ENPP7: variants seen among roughly 807,000 people sequenced by gnomAD.
The protein encoded by ENPP7 is ectonucleotide pyrophosphatase/phosphodiesterase family member 7.
In ENPP7, 39 loss-of-function variants were observed where a neutral mutation model predicts 33.6. That is an observed-to-expected ratio of 1.16 (90% CI 0.90 to 1.52). ENPP7 has a LOEUF of 1.52. ENPP7 is among the 40% of genes most tolerant of loss of function. ENPP7 has a pLI of 0.00. For missense variants in ENPP7, 594 were observed against 641.0 expected, an observed-to-expected ratio of 0.93 and a Z score of 0.79; for synonymous variants, 244 against 274.3, an observed-to-expected ratio of 0.89 and a Z score of 1.09.
Position 79,739,342 on chromosome 17 carries a change from G to A in ENPP7, c.*16+1280G>A, listed in dbSNP as rs1019756410. 2.6e-5 allele frequency: 4 copies of A among 152,426 alleles called. No individual in the cohort carries two copies. The highest frequency in any genetic ancestry group is 9.6e-5 in the African/African-American group (4 of 41,472). The allele number at this position is 152,426 out of a possible 1,614,324, so 9.4% of individuals were successfully genotyped here. A position where few individuals can be genotyped will look rare whatever the true frequency, so the allele number is the denominator to read the frequency against. On this transcript the variant is annotated intron_variant, in intron 5 of 5. Transcript: ENST00000328313. The surrounding 1 kb of genome is among the most constrained non-coding windows in gnomAD (Gnocchi z 4.4). The stretch of plus-strand genomic sequence containing the variant: ...CAAGCTGAGGTTACACAGGGTCTGA[G>A]GTTGATGATTAAATGAGTGGCTCCC...
At chr17:79,733,425 A>T in intron 1 of ENPP7, 83 bp from the exon 2 acceptor site, 2 of 1,443,004 alleles carry the variant, frequency 1.4e-6, no homozygotes, top group African/African-American at 1.4e-5. Context: ...GGCTGTTTTG[A>T]CTTCGCCTCT....
intron 3 of ENPP7, among the ~76,000 whole-genome samples, chr17:79,736,104 C>T (rs139234511): frequency 7.9e-4 from 121 of 152,306 alleles, no homozygotes; most frequent in Non-Finnish European, 1.4e-3. Flanking sequence ...AGAGTTTCAC[C>T]ATGTTGGCCA....
intron 1 of ENPP7, among the ~76,000 whole-genome samples, chr17:79,732,172 G>GTATATATATATAT (rs2094287973): frequency 1.8e-5 from 1 of 55,290 alleles, no homozygotes; most frequent in African/African-American, 5.0e-5. Context: ...ATATATATAT[G>GTATATATATATAT]AGGCCAAGGC....
intron 2 of ENPP7, among the ~76,000 whole-genome samples, chr17:79,733,939 C>T (rs527649162): frequency 6.6e-6 from 1 of 152,292 alleles, no homozygotes; most frequent in South Asian, 2.1e-4. Flanking sequence ...GCTCTGTCCC[C>T]CTAGTCGGAG....
chr17:79,736,331 G>A (rs940837883), intron 3 of ENPP7, among the ~76,000 whole-genome samples: 1 of 152,218 alleles, frequency 6.6e-6, no homozygotes, highest in Non-Finnish European at 1.5e-5. Context: ...GAGCCACTGC[G>A]TCTGGCCTCT....
Position 79,741,926 on chromosome 17 carries a change from A to G in ENPP7, c.*149A>G. ...CATGCCACTGTCCCCGGCAGCGCCA[A>G]CCCCTGCTTGGCTGTTATGGTGCTG... On this transcript the variant is annotated 3_prime_UTR_variant, in exon 6 of 6. Coordinates refer to ENST00000328313, the MANE Select transcript of ENPP7 (RefSeq NM_178543.5). 1 of 985,062 alleles carries G rather than the reference A, an allele frequency of 1.0e-6. No individual in the cohort carries two copies. The highest frequency in any genetic ancestry group is 4.7e-5 in the South Asian group (1 of 21,250). The allele number at this position is 985,062 out of a possible 1,614,324, so 61.0% of individuals were successfully genotyped here.
At chr17:79,731,457 C>A in intron 1 of ENPP7, 65 bp downstream of exon 1, 1 of 1,538,142 alleles carries the variant, frequency 6.5e-7, no homozygotes, top group East Asian at 2.3e-5. Flanking sequence ...GGCACAGAGC[C>A]GTGTCGTGCA....
At position 79,738,181 on chromosome 17, in the gene ENPP7, G is replaced by A. The variant is rs577501738; in HGVS notation, c.*16+119G>A. On this transcript the variant is annotated intron_variant, in intron 5 of 5. Coordinates refer to ENST00000328313, the MANE Select transcript of ENPP7 (RefSeq NM_178543.5). The surrounding 1 kb of genome is among the most constrained non-coding windows in gnomAD (Gnocchi z 6.2). Reference sequence around the variant, plus strand: ...AGAGCTGCCAGGCCCCGCCAAGCAGGTGACTCCCACTGACCTGGCTGCCCC... The same window carrying A: ...AGAGCTGCCAGGCCCCGCCAAGCAGATGACTCCCACTGACCTGGCTGCCCC... The A allele has an allele frequency of 1.4e-5, 15 of 1,069,142 alleles. No homozygotes were observed. In the African/African-American group the frequency reaches 2.3e-4, roughly 17 times the overall value. The allele number at this position is 1,069,142 out of a possible 1,614,324, so 66.2% of individuals were successfully genotyped here.
chr17:79,737,235 T>C lies in ENPP7; in HGVS notation c.1221T>C (p.Ala407=), dbSNP rs1555823801. 6.2e-7 allele frequency: 1 copy of C among 1,608,686 alleles called. No homozygotes were observed. ...IVPEANDGHL[A]TLLPMLHTES... ...CCGAGGCCAACGATGGGCACCTAGC[T>C]ACTCTGCTGCCCATGCTGCACACAG... The change falls in exon 4 of 6, where the codon GCT becomes GCC. Residue 407 remains alanine (A), a synonymous_variant. Transcript: ENST00000328313. The surrounding 1 kb of genome is among the most constrained non-coding windows in gnomAD (Gnocchi z 5.5).
rs782452623 is a variant in ENPP7 at position 79,737,820 on chromosome 17, C to T, written c.1247-96C>T. On this transcript the variant is annotated intron_variant, in intron 4 of 5. Transcript: ENST00000328313. The surrounding 1 kb of genome is among the most constrained non-coding windows in gnomAD (Gnocchi z 5.5). ...GGGGCGGTGAAAGAGGAAGGAGGGG[C>T]TCGTGGGGACCAACAGAGGACCCCG... 1.6e-5 allele frequency: 21 copies of T among 1,350,788 alleles called. No homozygotes were observed. Among genetic ancestry groups the T allele is most frequent in the East Asian group, 1.2e-4 (5 of 43,394 alleles). The allele number at this position is 1,350,788 out of a possible 1,614,324, so 83.7% of individuals were successfully genotyped here. A position where few individuals can be genotyped will look rare whatever the true frequency, so the allele number is the denominator to read the frequency against.
Position 79,735,771 on chromosome 17 carries a change from C to G in ENPP7, c.1026+102C>G. ...CCAGGGTCTTGCTCTGTTGCCCAGG[C>G]TGGAGTGCAATGGCAGGATCTCAGC... On this transcript the variant is annotated intron_variant, in intron 3 of 5. Transcript: ENST00000328313. This position sits in a 1 kb window ranked among gnomAD's most constrained non-coding sequence, Gnocchi z 5.5. The G allele has an allele frequency of 1.8e-6, 2 of 1,128,856 alleles. No individual in the cohort carries two copies. The highest frequency in any genetic ancestry group is 2.5e-6 in the Non-Finnish European group (2 of 803,316). The allele number at this position is 1,128,856 out of a possible 1,614,324, so 69.9% of individuals were successfully genotyped here. A position where few individuals can be genotyped will look rare whatever the true frequency, so the allele number is the denominator to read the frequency against.
Position 79,735,006 on chromosome 17 carries a change from T to A in ENPP7, c.400-37T>A. ...AGGCATGAGACAAGGGGCAGCCCAC[T>A]GAGGAGTCCTGTCTTTCACGCTGCC... On this transcript the variant is annotated intron_variant, in intron 2 of 5. Transcript: ENST00000328313. The surrounding 1 kb of genome is among the most constrained non-coding windows in gnomAD (Gnocchi z 5.5). 1 of 1,601,026 alleles carries A rather than the reference T, an allele frequency of 6.2e-7. No individual in the cohort carries two copies. The highest frequency in any genetic ancestry group is 8.5e-7 in the Non-Finnish European group (1 of 1,172,638).
Position 79,735,901 on chromosome 17 carries a change from GTGTTT to G in ENPP7, c.1026+248_1026+252del, listed in dbSNP as rs201150540. On this transcript the variant is annotated intron_variant, in intron 3 of 5. Coordinates refer to ENST00000328313, the MANE Select transcript of ENPP7 (RefSeq NM_178543.5). The surrounding 1 kb of genome is among the most constrained non-coding windows in gnomAD (Gnocchi z 5.5). ...CACCATGCCTGGCTAATTTTTGTGT[GTGTTT>G]TGTTTTGTTTTGTTTCATTTGAGAC... Among the ~76,000 whole-genome samples, 3,916 of 152,018 alleles carry G rather than the reference GTGTTT, an allele frequency of 0.026. 76 individuals are homozygous for G. The highest frequency in any genetic ancestry group is 0.042 in the Non-Finnish European group (2,821 of 67,946).
In ENPP7 at chr17:79,737,911, C is replaced by A; in HGVS notation, c.1247-5C>A. 6.2e-7 allele frequency: 1 copy of A among 1,613,708 alleles called. No homozygotes were observed. The highest frequency in any genetic ancestry group is 8.5e-7 in the Non-Finnish European group (1 of 1,179,968). ...CTCCCTCACAGGTCCTCTGGCTTTC[C>A]TTAGAATCTGCTCTTCCGCCTGATG... On this transcript the variant is annotated splice_region_variant and splice_polypyrimidine_tract_variant and intron_variant, in intron 4 of 5. Coordinates refer to ENST00000328313, the MANE Select transcript of ENPP7 (RefSeq NM_178543.5). This position sits in a 1 kb window ranked among gnomAD's most constrained non-coding sequence, Gnocchi z 5.5.
chr17:79,731,887 C>T (rs1397583832), intron 1 of ENPP7, among the ~76,000 whole-genome samples: 1 of 152,032 alleles, frequency 6.6e-6, no homozygotes, highest in African/African-American at 2.4e-5. Flanking sequence ...CACTGGAGGT[C>T]AGGAGTTCGA....
rs1598203614 is a variant in ENPP7 at position 79,738,073 on chromosome 17, CA to C, written c.*16+12del. 3 of 1,603,876 alleles carry C rather than the reference CA, an allele frequency of 1.9e-6. No individual in the cohort carries two copies. The highest frequency in any genetic ancestry group is 4.5e-5 in the East Asian group (2 of 44,806). ...GCCCCATGGCTCAAGGTCAGAGACC[CA>C]GAAGGCAGAGGCGGGAGGGTGGCCC... On this transcript the variant is annotated intron_variant, in intron 5 of 5. Transcript: ENST00000328313. This position sits in a 1 kb window ranked among gnomAD's most constrained non-coding sequence, Gnocchi z 6.2.
rs1267420012 is a variant in ENPP7 at position 79,742,106 on chromosome 17, G to A, written c.*329G>A. The stretch of plus-strand genomic sequence containing the variant: ...GCGCTGCCGTCTGCAGCCACGCGGG[G>A]GCGCGCGGGAGCTCTGCGGGCGCTG... On this transcript the variant is annotated 3_prime_UTR_variant, in exon 6 of 6. Coordinates refer to ENST00000328313, the MANE Select transcript of ENPP7 (RefSeq NM_178543.5). 1 of 268,410 alleles carries A rather than the reference G, an allele frequency of 3.7e-6. No individual in the cohort carries two copies. The highest frequency in any genetic ancestry group is 5.7e-6 in the Non-Finnish European group (1 of 174,382). The allele number at this position is 268,410 out of a possible 1,614,324, so 16.6% of individuals were successfully genotyped here.
chr17:79,736,136 C>G (rs1207086190), intron 3 of ENPP7, among the ~76,000 whole-genome samples: 1 of 152,162 alleles, frequency 6.6e-6, no homozygotes, highest in African/African-American at 2.4e-5. Context: ...AACTTCTGGC[C>G]TCAGGCGATC....
Position 79,735,751 on chromosome 17 carries a change from G to T in ENPP7, c.1026+82G>T, listed in dbSNP as rs1425706527. The T allele has an allele frequency of 5.4e-6, 7 of 1,305,262 alleles. No homozygotes were observed. The East Asian group carries it at 7.0e-5, about 13-fold the overall frequency. 80.9% of individuals were successfully genotyped at this position (1,305,262 alleles called of 1,614,324 possible). On this transcript the variant is annotated intron_variant, in intron 3 of 5. Coordinates refer to ENST00000328313, the MANE Select transcript of ENPP7 (RefSeq NM_178543.5). This position sits in a 1 kb window ranked among gnomAD's most constrained non-coding sequence, Gnocchi z 5.5. ...TTCTTTTTTTTTTTTTGAGACCAGGGTCTTGCTCTGTTGCCCAGGCTGGAG... is the reference window on the plus strand; with the variant it reads ...TTCTTTTTTTTTTTTTGAGACCAGGTTCTTGCTCTGTTGCCCAGGCTGGAG...
Sources: gnomAD v4.1 joint callset for allele counts (sites outside exome capture counted in the v4.1 genomes callset) on GRCh38, gnomAD v4.1.1 for gene constraint, Gnocchi (gnomAD v3.1) non-coding constraint, MANE v1.5 for transcripts, NCBI Gene and HGNC (gene_info 2026-07-23, HGNC 2026-07-21) for gene names.